The following PMPCB variants were observed in gnomAD, a reference collection of about 807,000 sequenced individuals.
PMPCB encodes the protein peptidase, mitochondrial processing subunit beta.
PMPCB carries 46 observed loss-of-function variants against 61.5 expected under a neutral mutation model. That is an observed-to-expected ratio of 0.75 (90% CI 0.59 to 0.96). The LOEUF (loss-of-function observed/expected upper bound fraction) is 0.96. PMPCB is among the 40% of genes least tolerant of loss of function. PMPCB has a pLI of 0.00. For missense variants in PMPCB, 590 were observed against 602.4 expected (o/e 0.98, Z 0.22); for synonymous variants, 191 against 201.6 (o/e 0.95, Z 0.44).
At position 103,312,116 on chromosome 7, in the gene PMPCB, G is replaced by C. The variant is rs1398167943; in HGVS notation, c.1390G>C (p.Ala464Pro). 4 of 1,614,048 alleles carry C rather than the reference G, an allele frequency of 2.5e-6. No homozygotes were observed. Among genetic ancestry groups the C allele is most frequent in the Non-Finnish European group, 3.4e-6 (4 of 1,179,972 alleles). Residue 464 changes from alanine (A) to proline (P), a missense_variant, in exon 12 of 13, where the codon GCT (alanine) becomes CCT (proline). By Grantham distance (27) the Ala-to-Pro change is conservative. Coordinates refer to ENST00000249269, the MANE Select transcript of PMPCB (RefSeq NM_004279.3). The stretch of plus-strand genomic sequence containing the variant: ...CAAATACATTTATAATAGGAGTCCA[G>C]CTATTGCTGCTGTTGGTAAGCCTGG... ...CTKYIYNRSP[A>P]IAAVGPIKQL...
chr7:103,330,828 C>A (rs1019491103), downstream of PMPCB, among the ~76,000 whole-genome samples: 2 of 151,694 alleles, frequency 1.3e-5, no homozygotes, highest in Admixed American at 6.6e-5. Flanking sequence ...GCGATCCTCC[C>A]ACCCTGGCCT....
At chr7:103,338,009 G>A in the PMPCB span, among the ~76,000 whole-genome samples, 14 of 152,288 alleles carry the variant, frequency 9.2e-5, no homozygotes, top group African/African-American at 3.4e-4. Context: ...GTTCATGCCT[G>A]TAATCCTAGC....
the PMPCB span, chr7:103,347,506 A>G: frequency 1.9e-6 from 1 of 523,750 alleles, no homozygotes; most frequent in Admixed American, 3.1e-5. Context: ...CAAACACTGT[A>G]AAGTTTCCTT....
chr7:103,338,802 C>T, the PMPCB span, among the ~76,000 whole-genome samples: 1 of 151,784 alleles, frequency 6.6e-6, no homozygotes, highest in African/African-American at 2.4e-5. Context: ...CCCAGCTACT[C>T]GGGAGGCTGA....
intron 5 of PMPCB, among the ~76,000 whole-genome samples, 171 bp from the exon 6 acceptor site, chr7:103,304,240 G>C (rs1331481413): frequency 6.6e-6 from 1 of 152,172 alleles, no homozygotes; most frequent in Non-Finnish European, 1.5e-5. Flanking sequence ...ACCAGTAATG[G>C]TGTATTTTTT....
intron 12 of PMPCB, among the ~76,000 whole-genome samples, chr7:103,324,917 CACA>C (rs1323988864): frequency 3.3e-5 from 5 of 152,192 alleles, no homozygotes; most frequent in African/African-American, 4.8e-5. Context: ...AAATAGTCAG[CACA>C]ACAACAACCT....
At position 103,312,560 on chromosome 7, in the gene PMPCB, C is replaced by G; in HGVS notation, c.*289C>G. 3 of 1,609,786 alleles carry G rather than the reference C, an allele frequency of 1.9e-6. No homozygotes were observed. The highest frequency in any genetic ancestry group is 2.5e-6 in the Non-Finnish European group (3 of 1,178,880). On this transcript the variant is annotated 3_prime_UTR_variant, in exon 13 of 13. Transcript: ENST00000249269. ...TTTTATTATAAAAATGCACACACAA[C>G]AAAGATTGTCATTTCTTGGCTCTAC...
chr7:103,298,154 C>A (rs973797475), intron 1 of PMPCB, among the ~76,000 whole-genome samples: 7 of 152,008 alleles, frequency 4.6e-5, no homozygotes, highest in African/African-American at 1.7e-4. Context: ...ATTTCCAAAC[C>A]CTGTTGCTTT....
downstream of PMPCB, among the ~76,000 whole-genome samples, chr7:103,333,390 TG>T (rs1819047441): frequency 6.6e-6 from 1 of 152,184 alleles, no homozygotes; most frequent in South Asian, 2.1e-4. Flanking sequence ...CTTACTTTTG[TG>T]GAAAAAAAGT....
chr7:103,344,639 G>T, the PMPCB span: 3 of 1,606,268 alleles, frequency 1.9e-6, no homozygotes, highest in Non-Finnish European at 8.5e-7. Flanking sequence ...GCCGGGTCTA[G>T]CCCGGTGGGC....
At chr7:103,331,752 G>T (rs1331181957), downstream of PMPCB, among the ~76,000 whole-genome samples, 1 of 152,104 alleles carries the variant, frequency 6.6e-6, no homozygotes, top group Non-Finnish European at 1.5e-5. Flanking sequence ...CAACTAGTCT[G>T]CTGATGGACA....
the PMPCB span, among the ~76,000 whole-genome samples, chr7:103,345,943 T>TAA: frequency 3.8e-3 from 543 of 144,684 alleles, 3 homozygotes; most frequent in African/African-American, 0.014. Context: ...ACCCCGTCTT[T>TAA]AAAAAAAAAA....
downstream of PMPCB, chr7:103,316,284 C>T (rs74615487): frequency 1.8e-3 from 700 of 396,862 alleles, 4 homozygotes; most frequent in African/African-American, 0.014. Flanking sequence ...TTTAAATCAA[C>T]GATAATCTTG....
rs1309646680 is a variant in PMPCB at position 103,312,954 on chromosome 7, C to T, written c.*683C>T. On this transcript the variant is annotated 3_prime_UTR_variant, in exon 13 of 13. Transcript: ENST00000249269. Reference sequence around the variant, plus strand: ...AACGCTTAAGTCTGCAACCTTGTATCGTTTCATGCAGTCCTTCTTTGTCCT... The same window carrying T: ...AACGCTTAAGTCTGCAACCTTGTATTGTTTCATGCAGTCCTTCTTTGTCCT... The T allele has an allele frequency of 6.2e-7, 1 of 1,610,846 alleles. No homozygotes were observed. The highest frequency in any genetic ancestry group is 8.5e-7 in the Non-Finnish European group (1 of 1,179,192).
the PMPCB span, among the ~76,000 whole-genome samples, chr7:103,338,577 G>C: frequency 8.6e-5 from 13 of 151,810 alleles, no homozygotes; most frequent in Admixed American, 7.9e-4. Context: ...GGGATTACAG[G>C]TGTGAGCCAC....
chr7:103,343,928 C>G, the PMPCB span, among the ~76,000 whole-genome samples: 1 of 152,202 alleles, frequency 6.6e-6, no homozygotes, highest in African/African-American at 2.4e-5. Context: ...ATGGGAATTA[C>G]TGTAGATCAC....
Position 103,310,438 on chromosome 7 carries a change from A to G in PMPCB, c.1117A>G (p.Thr373Ala), listed in dbSNP as rs1351755443. 1 of 1,612,506 alleles carries G rather than the reference A, an allele frequency of 6.2e-7. No homozygotes were observed. The highest frequency in any genetic ancestry group is 8.5e-7 in the Non-Finnish European group (1 of 1,179,436). ...ACTGTATATGGTTTGTGAATCATCC[A>G]CTGTTGCAGACATGCTACATGTTGT... ...WGLYMVCESSTVADMLHVVQK... is the reference protein window; with the variant it reads ...WGLYMVCESSAVADMLHVVQK... The change falls in exon 9 of 13, where the codon ACT (threonine) becomes GCT (alanine). Residue 373 changes from threonine (T) to alanine (A), a missense_variant. Transcript: ENST00000249269.
At chr7:103,338,999 T>A in the PMPCB span, among the ~76,000 whole-genome samples, 1 of 152,160 alleles carries the variant, frequency 6.6e-6, no homozygotes, top group Non-Finnish European at 1.5e-5. Context: ...CACAAAGGCC[T>A]AAGAAAGGCT....
At chr7:103,322,684 T>C in intron 12 of PMPCB, 1 of 1,612,482 alleles carries the variant, frequency 6.2e-7, no homozygotes. Flanking sequence ...TTTAGGGGAC[T>C]TAAATCAATT....
Sources: allele counts gnomAD v4.1 joint callset (sites outside exome capture counted in the v4.1 genomes callset), GRCh38; gene constraint gnomAD v4.1.1; transcripts MANE v1.5; gene names NCBI Gene and HGNC (gene_info 2026-07-23, HGNC 2026-07-21).